Variants in KCNC1 observed in about 807,000 individuals in gnomAD.
The protein encoded by KCNC1 is potassium voltage-gated channel subfamily C member 1.
A neutral mutation model predicts 43.4 loss-of-function variants in KCNC1; 8 were observed. The ratio of observed to expected loss-of-function variants is 0.18; its 90% CI spans 0.11 to 0.33. KCNC1 has a LOEUF of 0.33. KCNC1 is among the 10% of genes least tolerant of loss of function. The probability of loss-of-function intolerance (pLI) is 1.00; values close to 1 mark genes in which losing one functional copy is unlikely to be tolerated. For synonymous variants in KCNC1, 361 were observed against 360.5 expected, an observed-to-expected ratio of 1.00 and a Z score of -0.01; for missense variants, 420 against 836.0, an observed-to-expected ratio of 0.50 and a Z score of 6.14.
chr11:17,771,838 C>A lies in KCNC1; in HGVS notation c.744C>A (p.Ile248=), dbSNP rs2229007. The A allele has an allele frequency of 6.8e-6, 11 of 1,614,056 alleles. No homozygotes were observed. In the East Asian group the frequency reaches 2.5e-4, roughly 36 times the overall value. Reference sequence around the variant, plus strand: ...AGACGGAGGCCTTCCTTACCTACATCGAGGGCGTCTGTGTGGTCTGGTTCA... The same window carrying A: ...AGACGGAGGCCTTCCTTACCTACATAGAGGGCGTCTGTGTGGTCTGGTTCA... ...EAETEAFLTY[I]EGVCVVWFTF... is the part of the protein sequence containing the mutation. The change falls in exon 2 of 4, where the codon ATC becomes ATA. Residue 248 remains isoleucine, a synonymous_variant. Transcript: ENST00000265969. The surrounding 1 kb of genome is among the most constrained non-coding windows in gnomAD (Gnocchi z 4.7).
rs549379314 is a variant in KCNC1 at position 17,764,057 on chromosome 11, A to G, written c.571-7608A>G. Among the ~76,000 whole-genome samples, 586 of 90,988 alleles carry G rather than the reference A, an allele frequency of 6.4e-3. 8 individuals carry two copies. Among genetic ancestry groups the G allele is most frequent in the Non-Finnish European group, 8.5e-3 (410 of 48,280 alleles). The allele number at this position is 90,988 out of a possible 152,430, so 59.7% of individuals were successfully genotyped here. On this transcript the variant is annotated intron_variant, in intron 1 of 3. Coordinates refer to ENST00000265969, the MANE Select transcript of KCNC1 (RefSeq NM_001112741.2). ...CGCCCACACACACACATACCCCCAC[A>G]CATCACCCCACACATGCACACACCT...
chr11:17,756,568 T>C (rs1849025321), intron 1 of KCNC1, among the ~76,000 whole-genome samples: 1 of 149,114 alleles, frequency 6.7e-6, no homozygotes, highest in East Asian at 2.0e-4. Context: ...CGCATGTACA[T>C]TGGGAGTCAG....
At chr11:17,767,088 C>T (rs1050257543) in intron 1 of KCNC1, among the ~76,000 whole-genome samples, 8 of 150,482 alleles carry the variant, frequency 5.3e-5, no homozygotes, top group African/African-American at 1.5e-4. Context: ...GCTGAGATTG[C>T]GCCATTGCAC....
intron 1 of KCNC1, among the ~76,000 whole-genome samples, chr11:17,752,440 A>G (rs769980521): frequency 2.0e-5 from 3 of 152,220 alleles, no homozygotes; most frequent in Non-Finnish European, 4.4e-5. Flanking sequence ...ACACAAGACT[A>G]AGACAACAAG....
intron 1 of KCNC1, among the ~76,000 whole-genome samples, chr11:17,764,680 G>C (rs1455375341): frequency 6.6e-6 from 1 of 152,206 alleles, no homozygotes; most frequent in Non-Finnish European, 1.5e-5. Context: ...CTGGCACCCA[G>C]ACGCTGCGCT....
chr11:17,745,449 C>A (rs1399783527), intron 1 of KCNC1, among the ~76,000 whole-genome samples: 1 of 152,202 alleles, frequency 6.6e-6, no homozygotes, highest in Non-Finnish European at 1.5e-5. Context: ...CACAGCTACC[C>A]CCCCGTGGAA....
At chr11:17,760,558 G>A (rs1849066264) in intron 1 of KCNC1, among the ~76,000 whole-genome samples, 1 of 152,196 alleles carries the variant, frequency 6.6e-6, no homozygotes, top group Non-Finnish European at 1.5e-5. Flanking sequence ...TGGGACTGCA[G>A]GGGGCACTGT....
chr11:17,763,065 C>T (rs1420432790), intron 1 of KCNC1, among the ~76,000 whole-genome samples: 2 of 152,190 alleles, frequency 1.3e-5, no homozygotes, highest in Non-Finnish European at 2.9e-5. Flanking sequence ...ATGGGCCAGC[C>T]CAGCTGTTGT....
At chr11:17,764,154 A>G (rs1165502287) in intron 1 of KCNC1, among the ~76,000 whole-genome samples, 1 of 140,806 alleles carries the variant, frequency 7.1e-6, no homozygotes, top group African/African-American at 2.7e-5. Flanking sequence ...CAAACCACAT[A>G]TAGCCCTATA....
At chr11:17,746,036 G>C (rs569345464) in intron 1 of KCNC1, among the ~76,000 whole-genome samples, 1 of 152,300 alleles carries the variant, frequency 6.6e-6, no homozygotes, top group Admixed American at 6.5e-5. Flanking sequence ...TACATAGTGG[G>C]TGCTAAATAG....
Position 17,764,135 on chromosome 11 carries a change from A to AC in KCNC1, c.571-7523dup, listed in dbSNP as rs563423204. 2.2e-4 allele frequency among the ~76,000 whole-genome samples: 27 copies of AC among 124,858 alleles called. 2 individuals are homozygous for AC. In the East Asian group the frequency reaches 5.4e-3, roughly 25 times the overall value. The allele number at this position is 124,858 out of a possible 152,430, so 81.9% of individuals were successfully genotyped here. A position where few individuals can be genotyped will look rare whatever the true frequency, so the allele number is the denominator to read the frequency against. The stretch of plus-strand genomic sequence containing the variant: ...CACACGTCTCCATAGACACACACAC[A>AC]CCCCCCCACAAACCACATATAGCCC... On this transcript the variant is annotated intron_variant, in intron 1 of 3. Transcript: ENST00000265969.
rs1848765746 is a variant in KCNC1 at position 17,736,377 on chromosome 11, T to G, written c.375T>G (p.Ala125=). 1.2e-6 allele frequency: 2 copies of G among 1,611,406 alleles called. No homozygotes were observed. Among genetic ancestry groups the G allele is most frequent in the South Asian group, 1.1e-5 (1 of 90,950 alleles). ...AGGCTCTGGACAGCTTCGGCGGCGCTCCTCTGGACAACAGCGCCGACGACG... is the reference window on the plus strand; with the variant it reads ...AGGCTCTGGACAGCTTCGGCGGCGCGCCTCTGGACAACAGCGCCGACGACG... ...AEEALDSFGG[A]PLDNSADDAD... Residue 125 remains alanine, a synonymous_variant, in exon 1 of 4, where the codon GCT becomes GCG. Transcript: ENST00000265969. This position sits in a 1 kb window ranked among gnomAD's most constrained non-coding sequence, Gnocchi z 9.3.
In KCNC1 at chr11:17,735,695, T is replaced by C. The variant is rs1385876806; in HGVS notation, c.-308T>C. The C allele has an allele frequency of 8.4e-6, 1 of 119,132 alleles. No homozygotes were observed. Among genetic ancestry groups the C allele is most frequent in the African/African-American group, 3.2e-5 (1 of 31,236 alleles). 7.4% of individuals were successfully genotyped at this position (119,132 alleles called of 1,614,324 possible). A position where few individuals can be genotyped will look rare whatever the true frequency, so the allele number is the denominator to read the frequency against. On this transcript the variant is annotated 5_prime_UTR_variant, in exon 1 of 4. Transcript: ENST00000265969. The surrounding 1 kb of genome is among the most constrained non-coding windows in gnomAD (Gnocchi z 6.7). Reference sequence around the variant, plus strand: ...CCCCTCACTCCCTCCCTCCCTCCCTTTCTCCCTCCCTTTCTCCCTCCCTTC... The same window carrying C: ...CCCCTCACTCCCTCCCTCCCTCCCTCTCTCCCTCCCTTTCTCCCTCCCTTC...
Position 17,764,918 on chromosome 11 carries a change from C to T in KCNC1, c.571-6747C>T, listed in dbSNP as rs558095877. ...AGGACAATTGGCCATCCCGCCTGCT[C>T]TGCATCACTGACTCCGCATGGATTA... On this transcript the variant is annotated intron_variant, in intron 1 of 3. Coordinates refer to ENST00000265969, the MANE Select transcript of KCNC1 (RefSeq NM_001112741.2). Among the ~76,000 whole-genome samples the T allele has an allele frequency of 4.6e-5, 7 of 152,378 alleles. No individual in the cohort carries two copies. The East Asian group carries it at 1.4e-3, about 29-fold the overall frequency.
chr11:17,756,020 C>T (rs997381261), intron 1 of KCNC1, among the ~76,000 whole-genome samples: 2 of 152,110 alleles, frequency 1.3e-5, no homozygotes, highest in African/African-American at 2.4e-5. Context: ...AGAGGCTATG[C>T]GGTCCCAGGA....
chr11:17,779,734 AG>A lies in KCNC1; in HGVS notation c.1693+94del. On this transcript the variant is annotated intron_variant, in intron 3 of 3. Coordinates refer to ENST00000265969, the MANE Select transcript of KCNC1 (RefSeq NM_001112741.2). This position sits in a 1 kb window ranked among gnomAD's most constrained non-coding sequence, Gnocchi z 7.2. ...GGCAGGGCGGCGGGCAAGGGCGCTG[AG>A]GGGCAGGCAGGCACACCGAGGGGGG... 9.3e-7 allele frequency: 1 copy of A among 1,073,188 alleles called. No individual in the cohort carries two copies. The allele number at this position is 1,073,188 out of a possible 1,614,324, so 66.5% of individuals were successfully genotyped here.
rs377504774 is a variant in KCNC1, at chr11:17,779,490, G to A, written c.1539G>A (p.Ala513=). ...TGAATGGGGAGGTGGCGAAGGCCGC[G>A]CTGGCGAACGAAGACTGCCCCCACA... ...SKLNGEVAKA[A]LANEDCPHID... Residue 513 remains alanine (A), a synonymous_variant, in exon 3 of 4, where the codon GCG becomes GCA. Transcript: ENST00000265969. This position sits in a 1 kb window ranked among gnomAD's most constrained non-coding sequence, Gnocchi z 7.2. 3.4e-5 allele frequency: 52 copies of A among 1,550,114 alleles called. No individual in the cohort carries two copies. The highest frequency in any genetic ancestry group is 5.9e-5 in the Admixed American group (3 of 50,576).
chr11:17,778,930 A>G lies in KCNC1; in HGVS notation c.1505-526A>G, dbSNP rs1213717345. Among the ~76,000 whole-genome samples the G allele has an allele frequency of 3.9e-5, 6 of 151,970 alleles. No individual in the cohort carries two copies. In the South Asian group the frequency reaches 6.3e-4, roughly 16 times the overall value. On this transcript the variant is annotated intron_variant, in intron 2 of 3. Coordinates refer to ENST00000265969, the MANE Select transcript of KCNC1 (RefSeq NM_001112741.2). ...ATGAGATCCAAATGGGAGATGGGGTAGAGTAGATGAGATGGTCTGTATGGA... is the reference window on the plus strand; with the variant it reads ...ATGAGATCCAAATGGGAGATGGGGTGGAGTAGATGAGATGGTCTGTATGGA...
At chr11:17,751,204 G>A (rs1191829168) in intron 1 of KCNC1, among the ~76,000 whole-genome samples, 1 of 152,248 alleles carries the variant, frequency 6.6e-6, no homozygotes, top group African/African-American at 2.4e-5. Flanking sequence ...AGCCATGCCA[G>A]TGTTCCTTCT....
Sources: allele counts gnomAD v4.1 joint callset (sites outside exome capture counted in the v4.1 genomes callset), GRCh38; gene constraint gnomAD v4.1.1; non-coding constraint Gnocchi (gnomAD v3.1); transcripts MANE v1.5; gene names NCBI Gene and HGNC (gene_info 2026-07-23, HGNC 2026-07-21).